Variants in GANC observed in about 807,000 individuals in gnomAD.
GANC encodes neutral alpha-glucosidase C.
In GANC, 117 loss-of-function variants were observed where a neutral mutation model predicts 124.2. The ratio of observed to expected loss-of-function variants is 0.94; its 90% CI spans 0.81 to 1.10. The LOEUF (loss-of-function observed/expected upper bound fraction) is 1.10, where lower values mean the gene tolerates loss of function less well. Ranked by LOEUF, GANC falls within the 50% of genes least tolerant of loss-of-function variation. The pLI is 0.00. For synonymous variants in GANC, 377 were observed against 376.8 expected (o/e 1.00, Z -0.01); for missense variants, 1,140 against 1,095.0 (o/e 1.04, Z -0.58).
In GANC at chr15:42,273,225, G is replaced by C. The variant is rs775232794; in HGVS notation, c.-1257G>C. On this transcript the variant is annotated 5_prime_UTR_variant, in exon 1 of 24. Coordinates refer to ENST00000318010, the MANE Select transcript of GANC (RefSeq NM_198141.3). ...CGTAGCCCCACCCCTTGCTCCTCTA[G>C]GTTCAGACGTTAGTGAAGTGAATAC... 6.2e-7 allele frequency: 1 copy of C among 1,612,922 alleles called. No homozygotes were observed. The highest frequency in any genetic ancestry group is 8.5e-7 in the Non-Finnish European group (1 of 1,179,138).
chr15:42,353,527 A>C lies in GANC; in HGVS notation c.*1388A>C, dbSNP rs1200308443. 7.2e-6 allele frequency: 7 copies of C among 972,260 alleles called. No individual in the cohort carries two copies. Among genetic ancestry groups the C allele is most frequent in the Non-Finnish European group, 8.6e-6 (7 of 818,076 alleles). The allele number at this position is 972,260 out of a possible 1,614,324, so 60.2% of individuals were successfully genotyped here. ...GTTTTCAGTATGTCTGCGTTCTCCT[A>C]CTAGATTGTATGTCCCTCAAGAGCA... On this transcript the variant is annotated 3_prime_UTR_variant, in exon 24 of 24. Transcript: ENST00000318010.
chr15:42,311,862 T>C (rs1237234904), intron 10 of GANC, among the ~76,000 whole-genome samples: 1 of 151,866 alleles, frequency 6.6e-6, no homozygotes, highest in Non-Finnish European at 1.5e-5. Context: ...AAAAAAAAAT[T>C]AGTTCTGTTT....
intron 4 of GANC, among the ~76,000 whole-genome samples, chr15:42,289,451 G>A (rs2141024342): frequency 6.6e-6 from 1 of 152,214 alleles, no homozygotes; most frequent in Admixed American, 6.5e-5. Context: ...TGTTCTAGGG[G>A]GTCATTCCTG....
intron 12 of GANC, among the ~76,000 whole-genome samples, chr15:42,326,928 A>G (rs556902675): frequency 3.9e-5 from 6 of 152,342 alleles, no homozygotes; most frequent in South Asian, 4.1e-4. Context: ...AAAGGAAAAT[A>G]CGTTGTTTAG....
chr15:42,292,885 C>G lies in GANC; in HGVS notation c.480C>G (p.Tyr160Ter), dbSNP rs1379076384. 1 of 1,613,942 alleles carries G rather than the reference C, an allele frequency of 6.2e-7. No homozygotes were observed. Among genetic ancestry groups the G allele is most frequent in the East Asian group, 2.2e-5 (1 of 44,890 alleles). ...VISINSLGQL[Y>*]FEHLQILHKQ... ...GCATAAATTCCCTGGGCCAATTATA[C>G]TTTGAGCATCTACAGATTCTTCACA... Residue 160 changes from tyrosine to a stop codon, truncating the protein, a stop_gained, in exon 5 of 24, where the codon TAC (tyrosine) becomes TAG (stop). Transcript: ENST00000318010. LOFTEE classifies it high-confidence loss of function.
At chr15:42,287,600 A>G in intron 3 of GANC, 91 bp from the exon 4 acceptor site, 1 of 1,406,856 alleles carries the variant, frequency 7.1e-7, no homozygotes, top group Non-Finnish European at 9.7e-7. Flanking sequence ...ATCATAATTG[A>G]AACAAATACT....
intron 15 of GANC, among the ~76,000 whole-genome samples, chr15:42,335,211 C>T (rs1032506979): frequency 2.7e-4 from 41 of 152,032 alleles, no homozygotes; most frequent in African/African-American, 8.9e-4. Flanking sequence ...ATGCAAAAAT[C>T]CTCAACAAAA....
At position 42,306,554 on chromosome 15, in the gene GANC, A is replaced by G; in HGVS notation, c.567A>G (p.Gln189=). ...CTTTTTTGTACCAACAGGAAAATCA[A>G]GAAGATCTGGGCCTGTGGGAAGAGA... The part of the protein sequence containing the change: ...ETSVDTSQEN[Q]EDLGLWEEKF... Residue 189 remains glutamine, a synonymous_variant, in exon 7 of 24, where the codon CAA becomes CAG. Transcript: ENST00000318010. 1 of 1,610,256 alleles carries G rather than the reference A, an allele frequency of 6.2e-7. No individual in the cohort carries two copies. The highest frequency in any genetic ancestry group is 8.5e-7 in the Non-Finnish European group (1 of 1,179,012).
chr15:42,349,790 A>C (rs778826567), intron 22 of GANC, among the ~76,000 whole-genome samples: 21 of 151,860 alleles, frequency 1.4e-4, no homozygotes, highest in Non-Finnish European at 2.5e-4. Flanking sequence ...CTGGAACTAC[A>C]GGCATGCACC....
intron 3 of GANC, chr15:42,284,265 G>A (rs1338317029): frequency 4.1e-6 from 2 of 484,196 alleles, no homozygotes; most frequent in Non-Finnish European, 7.3e-6. Context: ...GTGATTCCCA[G>A]TTCTGGGTGA....
chr15:42,332,609 T>C (rs1156802854), intron 15 of GANC, among the ~76,000 whole-genome samples: 2 of 152,210 alleles, frequency 1.3e-5, no homozygotes, highest in African/African-American at 2.4e-5. Flanking sequence ...CTTTCTTTCT[T>C]GATGAGAATG....
At chr15:42,322,846 G>A (rs924303751) in intron 11 of GANC, among the ~76,000 whole-genome samples, 1 of 152,038 alleles carries the variant, frequency 6.6e-6, no homozygotes, top group Non-Finnish European at 1.5e-5. Context: ...TGAAAAGATG[G>A]AAGGAGAGAA....
intron 15 of GANC, among the ~76,000 whole-genome samples, chr15:42,331,800 AT>A (rs937098494): frequency 5.9e-5 from 9 of 151,950 alleles, no homozygotes; most frequent in African/African-American, 1.7e-4. Context: ...TGTTTAAAAA[AT>A]TTTTTTTCTT....
intron 10 of GANC, among the ~76,000 whole-genome samples, chr15:42,312,299 C>T (rs1330795736): frequency 3.3e-5 from 5 of 152,136 alleles, no homozygotes; most frequent in Non-Finnish European, 7.4e-5. Flanking sequence ...CATGAATTCC[C>T]CTGTTGTGGG....
At chr15:42,288,869 T>A (rs1198898076) in intron 4 of GANC, among the ~76,000 whole-genome samples, 1 of 152,136 alleles carries the variant, frequency 6.6e-6, no homozygotes, top group Non-Finnish European at 1.5e-5. Flanking sequence ...TTTTGCAGTT[T>A]GACAATTGAA....
At chr15:42,343,784 T>C (rs2052344525) in intron 19 of GANC, among the ~76,000 whole-genome samples, 1 of 151,982 alleles carries the variant, frequency 6.6e-6, no homozygotes, top group Non-Finnish European at 1.5e-5. Flanking sequence ...AGAGCAGCCT[T>C]CAGAGACAGG....
At chr15:42,304,305 C>A (rs2051973472) in intron 6 of GANC, among the ~76,000 whole-genome samples, 1 of 152,084 alleles carries the variant, frequency 6.6e-6, no homozygotes, top group African/African-American at 2.4e-5. Context: ...TCTTTGAAAC[C>A]AATGAGAACA....
At chr15:42,322,514 G>A (rs971837578) in intron 11 of GANC, among the ~76,000 whole-genome samples, 1 of 152,096 alleles carries the variant, frequency 6.6e-6, no homozygotes, top group Non-Finnish European at 1.5e-5. Context: ...GCTCTTGCAC[G>A]CAGGCTGAGG....
intron 1 of GANC, among the ~76,000 whole-genome samples, chr15:42,274,936 A>G (rs1461342696): frequency 6.6e-6 from 1 of 152,132 alleles, no homozygotes; most frequent in Non-Finnish European, 1.5e-5. Flanking sequence ...AACAGTGGAA[A>G]AGTTGCAATC....
Sources: gnomAD v4.1 joint callset for allele counts (sites outside exome capture counted in the v4.1 genomes callset) on GRCh38, gnomAD v4.1.1 for gene constraint, MANE v1.5 for transcripts, NCBI Gene and HGNC (gene_info 2026-07-23, HGNC 2026-07-21) for gene names.